NRXN1: variants seen among roughly 807,000 people sequenced by gnomAD.
NRXN1 encodes the protein neurexin-1.
NRXN1 carries 39 observed loss-of-function variants against 150.9 expected under a neutral mutation model. The observed-to-expected ratio is 0.26, with a 90% CI of 0.20 to 0.34. The LOEUF is 0.34. Among genes scored for constraint, NRXN1 ranks in the 10% least tolerant of loss-of-function variants. NRXN1 has a pLI of 1.00. For synonymous variants in NRXN1, 924 were observed against 757.0 expected, an observed-to-expected ratio of 1.22 and a Z score of -3.62; for missense variants, 1,815 against 1,949.9, an observed-to-expected ratio of 0.93 and a Z score of 1.30.
At chr2:50,837,173 A>T (rs1242237490) in intron 5 of NRXN1, among the ~76,000 whole-genome samples, 1 of 152,174 alleles carries the variant, frequency 6.6e-6, no homozygotes, top group Admixed American at 6.5e-5. Context: ...GAATGAACCA[A>T]TGAAAAATGT....
At chr2:50,080,442 CA>C (rs1031334690) in intron 19 of NRXN1, among the ~76,000 whole-genome samples, 1 of 151,988 alleles carries the variant, frequency 6.6e-6, no homozygotes, top group African/African-American at 2.4e-5. Flanking sequence ...TCAATGGATA[CA>C]GGGGGATTAT....
At chr2:50,980,857 T>G (rs1313736703) in intron 2 of NRXN1, among the ~76,000 whole-genome samples, 1 of 152,042 alleles carries the variant, frequency 6.6e-6, no homozygotes, top group African/African-American at 2.4e-5. Context: ...TAGGTTTGCT[T>G]CCAGAAAGAT....
intron 2 of NRXN1, among the ~76,000 whole-genome samples, chr2:51,000,825 T>C (rs1699945813): frequency 6.6e-6 from 1 of 151,970 alleles, no homozygotes; most frequent in South Asian, 2.1e-4. Flanking sequence ...TTAAAACCTA[T>C]ACATGAAGAT....
At chr2:50,260,075 C>A (rs525115) in intron 17 of NRXN1, among the ~76,000 whole-genome samples, 62,196 of 151,488 alleles carry the variant, frequency 0.41, 12,956 homozygotes, top group Middle Eastern at 0.46. Context: ...ACTCTGTTGA[C>A]CCTCAGCATA....
chr2:50,172,338 A>C (rs1475283600), intron 18 of NRXN1, among the ~76,000 whole-genome samples: 5 of 152,110 alleles, frequency 3.3e-5, no homozygotes, highest in Non-Finnish European at 7.4e-5. Context: ...ATGTTAACTA[A>C]TGAACTGAGC....
intron 12 of NRXN1, among the ~76,000 whole-genome samples, chr2:50,511,562 T>C (rs1168491132): frequency 5.9e-5 from 9 of 152,156 alleles, no homozygotes; most frequent in Admixed American, 5.2e-4. Flanking sequence ...CTAAAACCTA[T>C]TGATAACAGA....
At chr2:50,168,190 G>A (rs1559016859) in intron 18 of NRXN1, among the ~76,000 whole-genome samples, 1 of 152,136 alleles carries the variant, frequency 6.6e-6, no homozygotes, top group Non-Finnish European at 1.5e-5. Context: ...ATGATGGACT[G>A]AGAGAGACAT....
intron 17 of NRXN1, among the ~76,000 whole-genome samples, chr2:50,327,332 G>C (rs1435469149): frequency 6.6e-6 from 1 of 152,122 alleles, no homozygotes; most frequent in East Asian, 1.9e-4. Flanking sequence ...TCAGGACAGG[G>C]AAAATCACTT....
Position 50,586,843 on chromosome 2 carries a change from T to C in NRXN1, c.1320+33179A>G, listed in dbSNP as rs545484710. On this transcript the variant is annotated intron_variant, in intron 8 of 22. Transcript: ENST00000401669. ...TTAATAATGTATTCATTTACAATAA[T>C]ACAAATTTCCTGTTATAGTAATTAG... is the stretch of plus-strand genomic sequence containing the variant. 5.3e-5 allele frequency among the ~76,000 whole-genome samples: 8 copies of C among 152,308 alleles called. No homozygotes were observed. The South Asian group carries it at 1.7e-3, about 32-fold the overall frequency.
At chr2:50,767,544 A>G (rs1702513536) in intron 5 of NRXN1, among the ~76,000 whole-genome samples, 1 of 152,106 alleles carries the variant, frequency 6.6e-6, no homozygotes, top group East Asian at 1.9e-4. Context: ...GATTTCCGAC[A>G]GTGTGCTAAG....
At chr2:50,148,164 A>G (rs1297566059) in intron 18 of NRXN1, among the ~76,000 whole-genome samples, 1 of 151,588 alleles carries the variant, frequency 6.6e-6, no homozygotes, top group Non-Finnish European at 1.5e-5. Flanking sequence ...TGAGTGTGAA[A>G]CTAATTTTTT....
At chr2:50,594,797 T>G (rs984052478) in intron 8 of NRXN1, among the ~76,000 whole-genome samples, 2 of 152,150 alleles carry the variant, frequency 1.3e-5, no homozygotes, top group Non-Finnish European at 2.9e-5. Context: ...TTTGCCATCT[T>G]TCACCACAGC....
chr2:50,226,916 T>C (rs1017905321), intron 18 of NRXN1, among the ~76,000 whole-genome samples: 3 of 152,028 alleles, frequency 2.0e-5, no homozygotes, highest in South Asian at 2.1e-4. Context: ...ACTTCCAGAA[T>C]GCAAAGATTA....
At position 50,465,428 on chromosome 2, in the gene NRXN1, A is replaced by G. The variant is rs2104646083; in HGVS notation, c.3364+14T>C. 2 of 1,602,478 alleles carry G rather than the reference A, an allele frequency of 1.2e-6. No individual in the cohort carries two copies. Among genetic ancestry groups the G allele is most frequent in the Admixed American group, 3.4e-5 (2 of 58,774 alleles). On this transcript the variant is annotated intron_variant, in intron 17 of 22. Transcript: ENST00000401669. Reference sequence around the variant, plus strand: ...CAACGATGAGTATCAGTCCATACTCAGAGAGGTACTTACGGTCATTGCAGA... The same window carrying G: ...CAACGATGAGTATCAGTCCATACTCGGAGAGGTACTTACGGTCATTGCAGA...
intron 19 of NRXN1, among the ~76,000 whole-genome samples, chr2:50,072,613 AT>A (rs58663535): frequency 0.026 from 3,519 of 134,298 alleles, 110 homozygotes; most frequent in African/African-American, 0.1. Flanking sequence ...AAAAAAAAAA[AT>A]AAAACAGCAA....
chr2:50,555,542 C>T (rs1021381062), intron 8 of NRXN1, among the ~76,000 whole-genome samples: 1 of 152,146 alleles, frequency 6.6e-6, no homozygotes, highest in East Asian at 1.9e-4. Flanking sequence ...AGAATCAATG[C>T]TTTATATGCT....
At chr2:50,410,324 T>C (rs769880504) in intron 17 of NRXN1, among the ~76,000 whole-genome samples, 84 of 152,222 alleles carry the variant, frequency 5.5e-4, no homozygotes, top group Non-Finnish European at 3.1e-4. Flanking sequence ...TCTCCTCTCC[T>C]GAATTCCTAT....
At chr2:50,877,847 A>C (rs1490395751) in intron 5 of NRXN1, among the ~76,000 whole-genome samples, 1 of 151,944 alleles carries the variant, frequency 6.6e-6, no homozygotes, top group Non-Finnish European at 1.5e-5. Context: ...ACAAAAACAC[A>C]AAAACGTTAG....
intron 5 of NRXN1, among the ~76,000 whole-genome samples, chr2:50,866,651 T>G (rs1390367317): frequency 6.6e-6 from 1 of 151,938 alleles, no homozygotes; most frequent in Non-Finnish European, 1.5e-5. Context: ...ACAATGCCAG[T>G]GCTGGTCTGT....
Sources: gnomAD v4.1 joint callset for allele counts (sites outside exome capture counted in the v4.1 genomes callset) on GRCh38, gnomAD v4.1.1 for gene constraint, MANE v1.5 for transcripts, NCBI Gene and HGNC (gene_info 2026-07-23, HGNC 2026-07-21) for gene names.